The following DPF3 variants were observed in gnomAD, a reference collection of about 807,000 sequenced individuals.
DPF3 encodes the protein zinc finger protein DPF3.
DPF3 carries 18 observed loss-of-function variants against 56.8 expected under a neutral mutation model. The observed-to-expected ratio is 0.32, with a 90% CI of 0.22 to 0.47. DPF3 has a LOEUF of 0.47. Ranked by LOEUF, DPF3 falls within the 20% of genes least tolerant of loss-of-function variation. The pLI is 1.00. For missense variants in DPF3, 403 were observed against 488.8 expected (o/e 0.82, Z 1.65); for synonymous variants, 188 against 180.2 (o/e 1.04, Z -0.35).
chr14:72,714,091 A>C (rs1888781156), intron 6 of DPF3, among the ~76,000 whole-genome samples: 1 of 152,236 alleles, frequency 6.6e-6, no homozygotes, highest in Admixed American at 6.5e-5. Flanking sequence ...ATACAGAAAG[A>C]AATAGAGGAT....
intron 1 of DPF3, among the ~76,000 whole-genome samples, chr14:72,832,038 C>G (rs546602630): frequency 1.3e-5 from 2 of 152,052 alleles, no homozygotes; most frequent in African/African-American, 2.4e-5. Flanking sequence ...GGCAACATAA[C>G]AAGACCCCAT....
chr14:72,885,542 C>T (rs992486387), intron 1 of DPF3, among the ~76,000 whole-genome samples: 3 of 151,842 alleles, frequency 2.0e-5, no homozygotes, highest in Non-Finnish European at 4.4e-5. Context: ...TAGCTAGGAC[C>T]ACAGGTGTAC....
chr14:72,691,607 G>C (rs1887686270), intron 7 of DPF3, among the ~76,000 whole-genome samples: 1 of 152,018 alleles, frequency 6.6e-6, no homozygotes, highest in Non-Finnish European at 1.5e-5. Context: ...AGTGCCTATA[G>C]TCCCAACTGC....
chr14:72,885,164 A>G (rs1886494347), intron 1 of DPF3, among the ~76,000 whole-genome samples: 1 of 149,040 alleles, frequency 6.7e-6, no homozygotes, highest in Non-Finnish European at 1.5e-5. Context: ...AGGGGAAGGC[A>G]ATCCCTGTGG....
rs10679174 is a variant in DPF3 at position 72,649,661 on chromosome 14, G to GGGA, written c.872-19926_872-19925insTCC. 7.5e-3 allele frequency among the ~76,000 whole-genome samples: 602 copies of GGGA among 79,828 alleles called. 13 individuals carry two copies. Among genetic ancestry groups the GGGA allele is most frequent in the Admixed American group, 0.053 (415 of 7,760 alleles). 52.4% of individuals were successfully genotyped at this position (79,828 alleles called of 152,430 possible). ...TCAATTGTCTCACTCATCCCTGGGTGGGGGGGGGGATTAATGTATTAGTAC... is the reference window on the plus strand; with the variant it reads ...TCAATTGTCTCACTCATCCCTGGGTGGGAGGGGGGGGGATTAATGTATTAGTAC... On this transcript the variant is annotated intron_variant, in intron 8 of 10. Coordinates refer to ENST00000556509, the MANE Select transcript of DPF3 (RefSeq NM_001280542.3).
At chr14:72,769,163 T>G (rs528803747) in intron 2 of DPF3, among the ~76,000 whole-genome samples, 1 of 152,330 alleles carries the variant, frequency 6.6e-6, no homozygotes, top group Admixed American at 6.5e-5. Flanking sequence ...TACTATTTCT[T>G]AGTTCTAGTC....
intron 1 of DPF3, among the ~76,000 whole-genome samples, chr14:72,859,622 G>A (rs138358822): frequency 5.3e-5 from 8 of 152,136 alleles, no homozygotes; most frequent in African/African-American, 1.4e-4. Flanking sequence ...ACACACCTCC[G>A]CTCAAAGTCA....
chr14:72,789,467 C>T lies in DPF3; in HGVS notation c.33-17574G>A, dbSNP rs79640285. Among the ~76,000 whole-genome samples the T allele has an allele frequency of 9.6e-3, 1,468 of 152,206 alleles. 28 individuals are homozygous for T. Among genetic ancestry groups the T allele is most frequent in the African/African-American group, 0.034 (1,395 of 41,540 alleles). On this transcript the variant is annotated intron_variant, in intron 1 of 10. Coordinates refer to ENST00000556509, the MANE Select transcript of DPF3 (RefSeq NM_001280542.3). ...TGTAGGAGAGGTTTGCTGACTGATTCGGACATTTTGTGTTGTATCTATCCG... is the reference window on the plus strand; with the variant it reads ...TGTAGGAGAGGTTTGCTGACTGATTTGGACATTTTGTGTTGTATCTATCCG...
chr14:72,746,144 G>A (rs1170438794), intron 3 of DPF3, among the ~76,000 whole-genome samples: 4 of 152,374 alleles, frequency 2.6e-5, no homozygotes, highest in African/African-American at 9.6e-5. Context: ...AACCATATGT[G>A]CTAGTCAAGG....
At chr14:72,758,502 C>A (rs1266785205) in intron 2 of DPF3, among the ~76,000 whole-genome samples, 1 of 152,164 alleles carries the variant, frequency 6.6e-6, no homozygotes, top group South Asian at 2.1e-4. Flanking sequence ...GAGAGCTGCA[C>A]AGAGAATGTG....
chr14:72,857,044 G>T (rs530644478), intron 1 of DPF3, among the ~76,000 whole-genome samples: 1 of 152,324 alleles, frequency 6.6e-6, no homozygotes, highest in East Asian at 1.9e-4. Context: ...GGGCCTGGAG[G>T]AGGTCCCTGG....
At chr14:72,881,301 T>TGTC (rs1345776609) in intron 1 of DPF3, among the ~76,000 whole-genome samples, 1 of 33,816 alleles carries the variant, frequency 3.0e-5, no homozygotes, top group Non-Finnish European at 8.3e-5. Flanking sequence ...GAGCTGTTGT[T>TGTC]GTTGTTGTTG....
intron 1 of DPF3, among the ~76,000 whole-genome samples, chr14:72,777,222 C>T (rs1480438534): frequency 6.6e-6 from 1 of 151,212 alleles, no homozygotes; most frequent in African/African-American, 2.4e-5. Flanking sequence ...CGCCCACAAA[C>T]ACACACGAAA....
At chr14:72,712,606 C>T (rs2153575484) in intron 6 of DPF3, among the ~76,000 whole-genome samples, 1 of 152,280 alleles carries the variant, frequency 6.6e-6, no homozygotes, top group East Asian at 1.9e-4. Flanking sequence ...GGTGCAGTGG[C>T]TCACACCTGT....
At chr14:72,668,466 A>C (rs1395553898) in intron 8 of DPF3, among the ~76,000 whole-genome samples, 1 of 152,220 alleles carries the variant, frequency 6.6e-6, no homozygotes, top group East Asian at 1.9e-4. Flanking sequence ...CAAGGAAGAA[A>C]AGTGAGGATA....
intron 6 of DPF3, among the ~76,000 whole-genome samples, chr14:72,697,714 A>G (rs8013337): frequency 0.56 from 84,725 of 151,974 alleles, 24,522 homozygotes; most frequent in African/African-American, 0.63. Context: ...ATTTGAAGGT[A>G]GCGAGGGGCT....
intron 6 of DPF3, among the ~76,000 whole-genome samples, chr14:72,713,682 G>A (rs1888756428): frequency 6.6e-6 from 1 of 152,140 alleles, no homozygotes; most frequent in East Asian, 1.9e-4. Flanking sequence ...AAGATGACTA[G>A]GGCACAGGTT....
chr14:72,674,635 C>G (rs1356857262), intron 7 of DPF3, among the ~76,000 whole-genome samples: 1 of 152,216 alleles, frequency 6.6e-6, no homozygotes, highest in Non-Finnish European at 1.5e-5. Flanking sequence ...CTGATTGCAT[C>G]CTTAGATGAT....
chr14:72,737,194 A>C (rs1338898526), intron 3 of DPF3, among the ~76,000 whole-genome samples: 17 of 150,158 alleles, frequency 1.1e-4, no homozygotes, highest in Admixed American at 6.0e-4. Context: ...TAAAAGCAAA[A>C]AAACAAACAA....
Sources: gnomAD v4.1 joint callset for allele counts (sites outside exome capture counted in the v4.1 genomes callset) on GRCh38, gnomAD v4.1.1 for gene constraint, MANE v1.5 for transcripts, NCBI Gene and HGNC (gene_info 2026-07-23, HGNC 2026-07-21) for gene names.